Variants in GPC5 observed in about 807,000 individuals in gnomAD.
GPC5 encodes the protein glypican 5, also known as glypican-5.
GPC5 carries 47 observed loss-of-function variants against 53.9 expected under a neutral mutation model. That is an observed-to-expected ratio of 0.87 (90% CI 0.69 to 1.11). GPC5 has a LOEUF of 1.11. Ranked by LOEUF, GPC5 falls within the 50% of genes most tolerant of loss-of-function variation. GPC5 has a pLI of 0.00. For missense variants in GPC5, 748 were observed against 713.1 expected, an observed-to-expected ratio of 1.05 and a Z score of -0.56; for synonymous variants, 286 against 263.3, an observed-to-expected ratio of 1.09 and a Z score of -0.84.
At chr13:92,296,799 T>C (rs920778492) in intron 7 of GPC5, among the ~76,000 whole-genome samples, 3 of 152,190 alleles carry the variant, frequency 2.0e-5, no homozygotes, top group African/African-American at 7.2e-5. Context: ...ATGAGGGACT[T>C]AGCACCCAGG....
At chr13:92,720,354 A>G (rs1888472554) in intron 7 of GPC5, among the ~76,000 whole-genome samples, 1 of 152,176 alleles carries the variant, frequency 6.6e-6, no homozygotes, top group Admixed American at 6.6e-5. Context: ...AAAGGTTTTG[A>G]AAACATAAGC....
intron 6 of GPC5, among the ~76,000 whole-genome samples, chr13:91,992,242 A>C (rs937205683): frequency 5.9e-5 from 9 of 151,990 alleles, no homozygotes; most frequent in African/African-American, 2.2e-4. Context: ...TCTATTGCTC[A>C]GGCTGGTCTC....
In GPC5 at chr13:91,538,833, C is replaced by G. The variant is rs557870498; in HGVS notation, c.325+89911C>G. ...TCCTGACCTCATGGTCCACCCCGCCCCCCCCTCAGCCTCCCAAAGTGCTGG... is the reference window on the plus strand; with the variant it reads ...TCCTGACCTCATGGTCCACCCCGCCGCCCCCTCAGCCTCCCAAAGTGCTGG... On this transcript the variant is annotated intron_variant, in intron 2 of 7. Coordinates refer to ENST00000377067, the MANE Select transcript of GPC5 (RefSeq NM_004466.6). 2.3e-4 allele frequency among the ~76,000 whole-genome samples: 35 copies of G among 149,006 alleles called. 1 individual carries two copies. In the South Asian group the frequency reaches 6.1e-3, roughly 26 times the overall value.
At chr13:91,867,717 G>A (rs898218839) in intron 5 of GPC5, among the ~76,000 whole-genome samples, 1 of 152,158 alleles carries the variant, frequency 6.6e-6, no homozygotes, top group Admixed American at 6.5e-5. Context: ...GTAAATTCAC[G>A]AGGGATGGAT....
At chr13:91,613,593 G>A (rs1267928834) in intron 2 of GPC5, among the ~76,000 whole-genome samples, 4 of 151,940 alleles carry the variant, frequency 2.6e-5, no homozygotes, top group African/African-American at 9.7e-5. Flanking sequence ...CTTAAAATCT[G>A]GAAAATTGAA....
intron 7 of GPC5, among the ~76,000 whole-genome samples, chr13:92,784,189 A>C (rs953657599): frequency 8.5e-5 from 13 of 152,208 alleles, no homozygotes; most frequent in Non-Finnish European, 1.9e-4. Flanking sequence ...TCCTTCAATT[A>C]AAGGAAAATC....
chr13:91,524,508 C>A (rs1307443169), intron 2 of GPC5, among the ~76,000 whole-genome samples: 4 of 152,160 alleles, frequency 2.6e-5, no homozygotes, highest in Middle Eastern at 3.4e-3. Context: ...AAACAGATAT[C>A]CAGATATGTA....
intron 2 of GPC5, among the ~76,000 whole-genome samples, chr13:91,480,901 A>G (rs1291345209): frequency 2.6e-5 from 4 of 151,350 alleles, no homozygotes; most frequent in Non-Finnish European, 2.9e-5. Flanking sequence ...GAATCCCCAA[A>G]TGGTCAGGTG....
intron 7 of GPC5, among the ~76,000 whole-genome samples, chr13:92,397,187 C>T (rs1468809013): frequency 6.6e-6 from 1 of 152,170 alleles, no homozygotes; most frequent in African/African-American, 2.4e-5. Context: ...GAGTCCCCAC[C>T]CAGATCTCAT....
chr13:91,847,143 C>T (rs1310378590), intron 5 of GPC5, among the ~76,000 whole-genome samples: 1 of 147,554 alleles, frequency 6.8e-6, no homozygotes, highest in Non-Finnish European at 1.5e-5. Context: ...GGTGTGAACC[C>T]AGGCGGCGGA....
intron 7 of GPC5, among the ~76,000 whole-genome samples, chr13:92,420,299 C>A (rs1010080737): frequency 6.6e-6 from 1 of 151,954 alleles, no homozygotes; most frequent in Non-Finnish European, 1.5e-5. Context: ...TTTAAGTATT[C>A]TTCTAAGAGA....
chr13:92,304,362 G>T (rs1035711725), intron 7 of GPC5, among the ~76,000 whole-genome samples: 2 of 151,740 alleles, frequency 1.3e-5, no homozygotes, highest in South Asian at 2.1e-4. Flanking sequence ...CTGCCACCAC[G>T]CCCGGCTAAT....
chr13:91,616,229 C>A (rs1406740723), intron 2 of GPC5, among the ~76,000 whole-genome samples: 1 of 152,044 alleles, frequency 6.6e-6, no homozygotes, highest in Non-Finnish European at 1.5e-5. Context: ...GGCACCCTGA[C>A]AATAAATTCT....
intron 2 of GPC5, among the ~76,000 whole-genome samples, chr13:91,538,739 C>T (rs975685650): frequency 1.2e-4 from 18 of 151,904 alleles, no homozygotes; most frequent in African/African-American, 3.4e-4. Flanking sequence ...CCCGCCACGA[C>T]GCTGGGCTGA....
intron 7 of GPC5, among the ~76,000 whole-genome samples, chr13:92,594,136 C>T (rs899710022): frequency 6.6e-6 from 1 of 152,102 alleles, no homozygotes; most frequent in Non-Finnish European, 1.5e-5. Flanking sequence ...AGATATAATT[C>T]TATTTACTGC....
intron 7 of GPC5, among the ~76,000 whole-genome samples, chr13:92,155,459 T>C (rs2041937067): frequency 6.6e-6 from 1 of 152,148 alleles, no homozygotes; most frequent in Non-Finnish European, 1.5e-5. Flanking sequence ...AGTTGCATAG[T>C]GTACTTTTTC....
In GPC5 at chr13:91,911,481, T is replaced by C. The variant is rs187976670; in HGVS notation, c.1401+3424T>C. ...ATCGCTTGAACCCAGGGTCAGAGCT[T>C]TCAGTGAGCCAAGATGGCACCACTG... is the stretch of plus-strand genomic sequence containing the variant. On this transcript the variant is annotated intron_variant, in intron 6 of 7. Transcript: ENST00000377067. Among the ~76,000 whole-genome samples, 438 of 152,202 alleles carry C rather than the reference T, an allele frequency of 2.9e-3. 2 individuals are homozygous for C. The highest frequency in any genetic ancestry group is 0.01 in the African/African-American group (424 of 41,520).
chr13:92,494,126 G>A lies in GPC5; in HGVS notation c.1561+349137G>A, dbSNP rs183176838. Among the ~76,000 whole-genome samples the A allele has an allele frequency of 6.7e-3, 1,015 of 151,462 alleles. 11 individuals are homozygous for A. The highest frequency in any genetic ancestry group is 0.024 in the African/African-American group (968 of 41,122). On this transcript the variant is annotated intron_variant, in intron 7 of 7. Coordinates refer to ENST00000377067, the MANE Select transcript of GPC5 (RefSeq NM_004466.6). ...TTTTTTTGAGACGGAGTCTCGCTCTGTCGCCCAGGCTGGAGTGCAGTGGCG... is the reference window on the plus strand; with the variant it reads ...TTTTTTTGAGACGGAGTCTCGCTCTATCGCCCAGGCTGGAGTGCAGTGGCG...
chr13:91,853,698 G>T (rs1448345611), intron 5 of GPC5, among the ~76,000 whole-genome samples: 1 of 151,906 alleles, frequency 6.6e-6, no homozygotes, highest in Admixed American at 6.6e-5. Context: ...AACTTAAAAG[G>T]ATCTTACAGT....
Sources: gnomAD v4.1 joint callset for allele counts (sites outside exome capture counted in the v4.1 genomes callset) on GRCh38, gnomAD v4.1.1 for gene constraint, MANE v1.5 for transcripts, NCBI Gene and HGNC (gene_info 2026-07-23, HGNC 2026-07-21) for gene names.